Variants in CNTLN observed in about 807,000 individuals in gnomAD.
The protein encoded by CNTLN is centlein, also known as centlein, centrosomal protein.
A neutral mutation model predicts 180.0 loss-of-function variants in CNTLN; 212 were observed. The ratio of observed to expected loss-of-function variants is 1.18; its 90% CI spans 1.05 to 1.32. The LOEUF (loss-of-function observed/expected upper bound fraction) is 1.32. Ranked by LOEUF, CNTLN falls within the 40% of genes most tolerant of loss-of-function variation. The pLI is 0.00. For synonymous variants in CNTLN, 722 were observed against 563.1 expected (o/e 1.28, Z -3.99); for missense variants, 2,095 against 1,610.9 (o/e 1.30, Z -5.14).
intron 11 of CNTLN, 65 bp from the exon 12 acceptor site, chr9:17,342,260 T>C: frequency 2.0e-6 from 3 of 1,485,586 alleles, no homozygotes; most frequent in Non-Finnish European, 1.8e-6. Flanking sequence ...TTAAGGAATG[T>C]ATAAAATAAT....
chr9:17,199,273 A>G (rs934058834), intron 2 of CNTLN, among the ~76,000 whole-genome samples: 2 of 133,730 alleles, frequency 1.5e-5, no homozygotes, highest in East Asian at 4.5e-4. Context: ...GTGCAGTGGC[A>G]TAGTCTTGGC....
chr9:17,273,657 A>G, intron 5 of CNTLN, 76 bp from the exon 6 acceptor site: 2 of 723,644 alleles, frequency 2.8e-6, no homozygotes, highest in Non-Finnish European at 4.2e-6. Context: ...TTTGTAGAAT[A>G]ATTAAATATA....
At chr9:17,400,675 C>A (rs1414553273) in intron 15 of CNTLN, among the ~76,000 whole-genome samples, 2 of 152,080 alleles carry the variant, frequency 1.3e-5, no homozygotes. Flanking sequence ...AAAACATGTT[C>A]AGTACTGTAT....
rs776975599 is a variant in CNTLN at position 17,466,794 on chromosome 9, A to G, written c.3758A>G (p.Gln1253Arg). ...EIETAASKQLQELALQSEQVL... is the reference protein window; with the variant it reads ...EIETAASKQLRELALQSEQVL... The stretch of plus-strand genomic sequence containing the variant: ...GAAACAGCAGCATCTAAGCAGCTTC[A>G]AGAATTAGCATTGCAAAGTGAACAG... Residue 1253 changes from glutamine to arginine, a missense_variant, in exon 23 of 26, where the codon CAA (glutamine) becomes CGA (arginine). Gln to Arg is a conservative substitution (Grantham distance 43, BLOSUM62 1). Coordinates refer to ENST00000380647, the MANE Select transcript of CNTLN (RefSeq NM_017738.4). The G allele has an allele frequency of 2.5e-6, 4 of 1,611,118 alleles. No homozygotes were observed. Among genetic ancestry groups the G allele is most frequent in the Middle Eastern group, 3.3e-4 (2 of 6,040 alleles).
At chr9:17,199,187 AT>A (rs1822341680) in intron 2 of CNTLN, among the ~76,000 whole-genome samples, 1 of 141,210 alleles carries the variant, frequency 7.1e-6, no homozygotes, top group Non-Finnish European at 1.5e-5. Context: ...CCTCGCCAGC[AT>A]CTGTTGTTTC....
Position 17,236,559 on chromosome 9 carries a change from G to GA in CNTLN, c.825dup (p.Tyr276IlefsTer2). On this transcript the variant is annotated frameshift_variant, in exon 5 of 26. Transcript: ENST00000380647. LOFTEE classifies it high-confidence loss of function. ...GAAGCAGGAAGCACATTTGAGAAAA[G>GA]AAAAATATAGCACTGATGCAAAAAT... is the stretch of plus-strand genomic sequence containing the variant. 3 of 1,612,288 alleles carry GA rather than the reference G, an allele frequency of 1.9e-6. No homozygotes were observed. The highest frequency in any genetic ancestry group is 2.5e-6 in the Non-Finnish European group (3 of 1,179,230).
In CNTLN at chr9:17,332,612, C is replaced by A. The variant is rs182807866; in HGVS notation, c.1526C>A (p.Pro509His). 6.2e-7 allele frequency: 1 copy of A among 1,605,960 alleles called. No individual in the cohort carries two copies. Among genetic ancestry groups the A allele is most frequent in the African/African-American group, 1.3e-5 (1 of 74,560 alleles). Reference sequence around the variant, plus strand: ...CCTTGTTTTATTCTCGAGGAACCACCTGTGAAACGTTCAAGGTCTTTGTCC... The same window carrying A: ...CCTTGTTTTATTCTCGAGGAACCACATGTGAAACGTTCAAGGTCTTTGTCC... ...TSAEGKHKEP[P>H]VKRSRSLSPK... Residue 509 changes from proline (P) to histidine (H), a missense_variant, in exon 10 of 26, where the codon CCT (proline) becomes CAT (histidine). By Grantham distance (77) the Pro-to-His change is moderately conservative. Coordinates refer to ENST00000380647, the MANE Select transcript of CNTLN (RefSeq NM_017738.4).
At chr9:17,401,172 A>G (rs558515977) in intron 15 of CNTLN, among the ~76,000 whole-genome samples, 5 of 152,308 alleles carry the variant, frequency 3.3e-5, no homozygotes, top group East Asian at 3.9e-4. Context: ...AACTTTGCAT[A>G]TAGTTAGTCT....
At chr9:17,267,303 A>G (rs1827544816) in intron 5 of CNTLN, among the ~76,000 whole-genome samples, 1 of 152,122 alleles carries the variant, frequency 6.6e-6, no homozygotes, top group African/African-American at 2.4e-5. Context: ...TATGAAGGTT[A>G]GGTTGGCTGG....
chr9:17,461,525 T>C (rs967740968), intron 19 of CNTLN, among the ~76,000 whole-genome samples: 1 of 151,738 alleles, frequency 6.6e-6, no homozygotes, highest in East Asian at 1.9e-4. Context: ...ATTAAAATTA[T>C]TTCAAATGTT....
chr9:17,513,390 G>A, the CNTLN span, among the ~76,000 whole-genome samples: 7 of 151,792 alleles, frequency 4.6e-5, no homozygotes, highest in South Asian at 1.2e-3. Flanking sequence ...ATTAAATATA[G>A]AACTTAAGAA....
At chr9:17,219,781 C>G (rs1304637196) in intron 2 of CNTLN, among the ~76,000 whole-genome samples, 2 of 151,994 alleles carry the variant, frequency 1.3e-5, no homozygotes, top group African/African-American at 4.8e-5. Flanking sequence ...AACATTTATT[C>G]TCATGGTTCC....
intron 12 of CNTLN, among the ~76,000 whole-genome samples, chr9:17,345,399 G>A (rs973541865): frequency 2.7e-5 from 4 of 150,586 alleles, no homozygotes; most frequent in African/African-American, 9.8e-5. Flanking sequence ...ATAGAGCTAA[G>A]TCTGCCATGT....
chr9:17,278,022 C>T (rs16935426), intron 6 of CNTLN, among the ~76,000 whole-genome samples: 5,625 of 152,140 alleles, frequency 0.037, 298 homozygotes, highest in East Asian at 0.25. Flanking sequence ...TATCCTGTGA[C>T]GGAAGCTGCC....
At chr9:17,517,737 G>C in the CNTLN span, among the ~76,000 whole-genome samples, 1 of 152,100 alleles carries the variant, frequency 6.6e-6, no homozygotes, top group Non-Finnish European at 1.5e-5. Flanking sequence ...CCTTGGTCTT[G>C]GATCTCCAGC....
chr9:17,472,459 T>G (rs1398149859), intron 23 of CNTLN, among the ~76,000 whole-genome samples: 3 of 152,190 alleles, frequency 2.0e-5, no homozygotes. Context: ...TTCATATCCA[T>G]GTAAGCCATC....
intron 18 of CNTLN, among the ~76,000 whole-genome samples, chr9:17,425,606 G>A (rs1019200888): frequency 6.6e-6 from 1 of 152,162 alleles, no homozygotes; most frequent in South Asian, 2.1e-4. Flanking sequence ...TTGGAATTGG[G>A]TAATAGCTAG....
chr9:17,275,145 A>G (rs1325589549), intron 6 of CNTLN, among the ~76,000 whole-genome samples: 1 of 152,142 alleles, frequency 6.6e-6, no homozygotes, highest in East Asian at 1.9e-4. Context: ...ATTTATTCTT[A>G]TCCTCTTCCT....
chr9:17,183,084 A>G (rs185414048), intron 2 of CNTLN, among the ~76,000 whole-genome samples: 7 of 152,316 alleles, frequency 4.6e-5, no homozygotes, highest in East Asian at 1.9e-4. Context: ...AGTTAAGTGT[A>G]TCTGTGAGTA....
Sources: gnomAD v4.1 joint callset for allele counts (sites outside exome capture counted in the v4.1 genomes callset) on GRCh38, gnomAD v4.1.1 for gene constraint, MANE v1.5 for transcripts, NCBI Gene and HGNC (gene_info 2026-07-23, HGNC 2026-07-21) for gene names.